Variants in CFAP299 observed in about 807,000 individuals in gnomAD.
The protein encoded by CFAP299 is cilia and flagella associated protein 299.
In CFAP299, 21 loss-of-function variants were observed where a neutral mutation model predicts 27.0. That is an observed-to-expected ratio of 0.78 (90% CI 0.55 to 1.12). The LOEUF is 1.12. Ranked by LOEUF, CFAP299 falls within the 50% of genes most tolerant of loss-of-function variation. CFAP299 has a pLI of 0.00. For missense variants in CFAP299, 310 were observed against 276.6 expected (o/e 1.12, Z -0.86); for synonymous variants, 104 against 98.1 (o/e 1.06, Z -0.36).
chr4:80,363,859 C>T (rs965407494), intron 2 of CFAP299, among the ~76,000 whole-genome samples: 1 of 151,908 alleles, frequency 6.6e-6, no homozygotes, highest in African/African-American at 2.4e-5. Flanking sequence ...GAGGCAGAGG[C>T]GGGCAGATCA....
intron 2 of CFAP299, among the ~76,000 whole-genome samples, chr4:80,552,492 T>TG (rs1273772125): frequency 6.6e-6 from 1 of 152,158 alleles, no homozygotes; most frequent in Non-Finnish European, 1.5e-5. Context: ...TTATTGGAAA[T>TG]GAGTGGTTTA....
At chr4:80,591,611 G>A (rs2109886360) in intron 3 of CFAP299, among the ~76,000 whole-genome samples, 1 of 152,222 alleles carries the variant, frequency 6.6e-6, no homozygotes, top group Middle Eastern at 3.4e-3. Flanking sequence ...TTACTATTGA[G>A]CCAATAGGTT....
At chr4:80,790,309 A>G (rs1036792021) in intron 3 of CFAP299, 10 of 152,030 alleles carry the variant, frequency 6.6e-5, no homozygotes, top group Non-Finnish European at 1.5e-5. Flanking sequence ...ACACATAGAA[A>G]TTTCACAACC....
intron 3 of CFAP299, among the ~76,000 whole-genome samples, chr4:80,628,180 G>A (rs1166865264): frequency 1.3e-5 from 2 of 152,006 alleles, no homozygotes; most frequent in Non-Finnish European, 2.9e-5. Context: ...ATAAATCCAT[G>A]CATTTACAGC....
In CFAP299 at chr4:80,870,281, A is replaced by C. The variant is rs1408072356; in HGVS notation, c.476+146A>C. ...AATATGAAAATAACTAAATCTTAAA[A>C]TAAGGAATAAGCATAGATGCATTGT... On this transcript the variant is annotated intron_variant, in intron 4 of 5. Transcript: ENST00000358105. 21 of 1,286,120 alleles carry C rather than the reference A, an allele frequency of 1.6e-5. No homozygotes were observed. In the East Asian group the frequency reaches 5.1e-4, roughly 32 times the overall value. The allele number at this position is 1,286,120 out of a possible 1,614,324, so 79.7% of individuals were successfully genotyped here. A position where few individuals can be genotyped will look rare whatever the true frequency, so the allele number is the denominator to read the frequency against.
chr4:80,673,117 G>A (rs1475448666), intron 3 of CFAP299, among the ~76,000 whole-genome samples: 1 of 152,084 alleles, frequency 6.6e-6, no homozygotes, highest in African/African-American at 2.4e-5. Flanking sequence ...GTCGATTTTA[G>A]ATCTTTCCTG....
At chr4:80,421,741 G>T (rs1009375998) in intron 2 of CFAP299, among the ~76,000 whole-genome samples, 1 of 152,176 alleles carries the variant, frequency 6.6e-6, no homozygotes. Context: ...AATCTTCAGG[G>T]TGAGTCAGTA....
intron 2 of CFAP299, among the ~76,000 whole-genome samples, chr4:80,436,447 C>T (rs970253371): frequency 6.6e-6 from 1 of 152,150 alleles, no homozygotes. Flanking sequence ...TACCGGCACC[C>T]ATCACCATGC....
At chr4:80,406,714 CA>C (rs958094568) in intron 2 of CFAP299, among the ~76,000 whole-genome samples, 9 of 151,128 alleles carry the variant, frequency 6.0e-5, no homozygotes, top group Non-Finnish European at 1.0e-4. Flanking sequence ...TCTATCAGGT[CA>C]AAAAAAAATT....
chr4:80,943,930 G>T (rs1578257456), intron 4 of CFAP299, among the ~76,000 whole-genome samples: 1 of 152,164 alleles, frequency 6.6e-6, no homozygotes, highest in Non-Finnish European at 1.5e-5. Flanking sequence ...GCTGAGCGTG[G>T]TGGCGCACAC....
chr4:80,490,787 G>A (rs538968283), intron 2 of CFAP299, among the ~76,000 whole-genome samples: 1 of 151,848 alleles, frequency 6.6e-6, no homozygotes, highest in Non-Finnish European at 1.5e-5. Context: ...ATAAGTATGA[G>A]ACTTAAGCTA....
intron 2 of CFAP299, among the ~76,000 whole-genome samples, chr4:80,579,282 G>T (rs768649550): frequency 6.6e-6 from 1 of 152,114 alleles, no homozygotes; most frequent in South Asian, 2.1e-4. Flanking sequence ...TTAAATACAC[G>T]CCTTAGAAGG....
intron 3 of CFAP299, among the ~76,000 whole-genome samples, chr4:80,828,662 C>T (rs1730126746): frequency 6.6e-6 from 1 of 151,982 alleles, no homozygotes; most frequent in African/African-American, 2.4e-5. Flanking sequence ...TCACCTTCAA[C>T]CATGATTGTA....
chr4:80,483,213 A>G (rs755285934), intron 2 of CFAP299, among the ~76,000 whole-genome samples: 4 of 152,236 alleles, frequency 2.6e-5, no homozygotes, highest in South Asian at 2.1e-4. Context: ...AGGGAGCCAC[A>G]TGCCACGGAA....
intron 3 of CFAP299, among the ~76,000 whole-genome samples, chr4:80,660,424 G>A (rs1438080879): frequency 2.0e-5 from 3 of 152,158 alleles, no homozygotes; most frequent in Admixed American, 2.0e-4. Context: ...AAAATGTGAA[G>A]TAGGTATCAG....
intron 4 of CFAP299, among the ~76,000 whole-genome samples, chr4:80,927,586 G>T (rs1009546469): frequency 2.6e-5 from 4 of 152,100 alleles, no homozygotes; most frequent in Non-Finnish European, 5.9e-5. Context: ...TGTTGGCAGA[G>T]CTGCATTTCT....
At chr4:80,686,723 C>T (rs565829575) in intron 3 of CFAP299, among the ~76,000 whole-genome samples, 6 of 152,200 alleles carry the variant, frequency 3.9e-5, no homozygotes, top group Admixed American at 2.0e-4. Context: ...CTTTCTTGAG[C>T]GTAGATTTCT....
intron 1 of CFAP299, among the ~76,000 whole-genome samples, chr4:80,352,440 A>G (rs1200345026): frequency 3.9e-5 from 6 of 152,026 alleles, no homozygotes; most frequent in Admixed American, 3.3e-4. Context: ...AGTGGTGCAC[A>G]CCTGTAATCC....
intron 2 of CFAP299, among the ~76,000 whole-genome samples, chr4:80,476,131 A>G (rs147496240): frequency 6.6e-5 from 10 of 152,236 alleles, no homozygotes; most frequent in African/African-American, 2.4e-4. Context: ...TCAAGGAAAG[A>G]TCTCCCTCAC....
Sources: allele counts gnomAD v4.1 joint callset (sites outside exome capture counted in the v4.1 genomes callset), GRCh38; gene constraint gnomAD v4.1.1; transcripts MANE v1.5; gene names NCBI Gene and HGNC (gene_info 2026-07-23, HGNC 2026-07-21).